Variants in CDH4 observed in about 807,000 individuals in gnomAD.
CDH4 encodes the protein cadherin-4.
In CDH4, 33 loss-of-function variants were observed where a neutral mutation model predicts 86.0. That is an observed-to-expected ratio of 0.38 (90% CI 0.29 to 0.51). CDH4 has a LOEUF of 0.51. Ranked by LOEUF, CDH4 falls within the 20% of genes least tolerant of loss-of-function variation. CDH4 has a pLI of 0.86. For missense variants in CDH4, 1,114 were observed against 1,307.4 expected, an observed-to-expected ratio of 0.85 and a Z score of 2.28; for synonymous variants, 555 against 549.4, an observed-to-expected ratio of 1.01 and a Z score of -0.14.
In CDH4 at chr20:61,811,971, C is replaced by T. The variant is rs941853982; in HGVS notation, c.577-32697C>T. On this transcript the variant is annotated intron_variant, in intron 4 of 15. Coordinates refer to ENST00000614565, the MANE Select transcript of CDH4 (RefSeq NM_001794.5). The surrounding 1 kb of genome is among the most constrained non-coding windows in gnomAD (Gnocchi z 4.4). ...ATAGGCATGAGCCACTGCACCTAGC[C>T]GCCTGCTGTCCTTCAGACTCCCCGC... Among the ~76,000 whole-genome samples the T allele has an allele frequency of 6.6e-6, 1 of 152,244 alleles. No individual in the cohort carries two copies. Among genetic ancestry groups the T allele is most frequent in the African/African-American group, 2.4e-5 (1 of 41,522 alleles).
intron 2 of CDH4, among the ~76,000 whole-genome samples, chr20:61,322,278 G>A (rs898110863): frequency 5.3e-5 from 8 of 152,154 alleles, no homozygotes; most frequent in African/African-American, 1.9e-4. Flanking sequence ...CAGGAGAGGG[G>A]AGGCTGCTAA....
chr20:61,647,525 T>TCTCTCTCTCTCTCTCTCTCTCTCTCTCTC lies in CDH4; in HGVS notation c.170-96038_170-96037insCTCTCTCTCTCTCTCTCTCTCTCTCTCTC, dbSNP rs1444445171. ...AAACACATCAGTATGCACACACATA[T>TCTCTCTCTCTCTCTCTCTCTCTCTCTCTC]TCTCTCTCCCTCTCCCTCTCCCTCT... On this transcript the variant is annotated intron_variant, in intron 2 of 15. Coordinates refer to ENST00000614565, the MANE Select transcript of CDH4 (RefSeq NM_001794.5). 2.9e-4 allele frequency among the ~76,000 whole-genome samples: 20 copies of TCTCTCTCTCTCTCTCTCTCTCTCTCTCTC among 69,848 alleles called. 3 individuals are homozygous for TCTCTCTCTCTCTCTCTCTCTCTCTCTCTC. The highest frequency in any genetic ancestry group is 8.1e-4 in the South Asian group (2 of 2,456). 45.8% of individuals were successfully genotyped at this position (69,848 alleles called of 152,430 possible).
rs925410608 is a variant in CDH4 at position 61,414,285 on chromosome 20, G to A, written c.169+159348G>A. ...ATCTCACTGGAGTGGGCAGGGCATG[G>A]CCCATGCCTGGCTCAGCCCTGATGC... On this transcript the variant is annotated intron_variant, in intron 2 of 15. Transcript: ENST00000614565. Among the ~76,000 whole-genome samples the A allele has an allele frequency of 2.6e-5, 4 of 152,380 alleles. No individual in the cohort carries two copies. The East Asian group carries it at 7.7e-4, about 29-fold the overall frequency.
intron 1 of CDH4, among the ~76,000 whole-genome samples, chr20:61,254,116 G>A (rs2084083640): frequency 6.6e-6 from 1 of 152,192 alleles, no homozygotes; most frequent in African/African-American, 2.4e-5. Context: ...AGCGAGCTCC[G>A]GAGGACAGGA....
chr20:61,474,426 C>A (rs926256919), intron 2 of CDH4, among the ~76,000 whole-genome samples: 1 of 151,110 alleles, frequency 6.6e-6, no homozygotes. Context: ...CCGCTCACCT[C>A]GGCCTCCCAA....
rs1600868906 is a variant in CDH4, at chr20:61,681,580, AG to A, written c.170-61978del. ...TCTTGTTCCAAGGGGTAGGAGAAAA[AG>A]GGGGCATCATCTAGCAGCTGGGAGG... On this transcript the variant is annotated intron_variant, in intron 2 of 15. Coordinates refer to ENST00000614565, the MANE Select transcript of CDH4 (RefSeq NM_001794.5). This position sits in a 1 kb window ranked among gnomAD's most constrained non-coding sequence, Gnocchi z 4.5. Among the ~76,000 whole-genome samples the A allele has an allele frequency of 6.6e-6, 1 of 152,178 alleles. No homozygotes were observed. The highest frequency in any genetic ancestry group is 1.9e-4 in the East Asian group (1 of 5,196).
intron 2 of CDH4, among the ~76,000 whole-genome samples, chr20:61,321,354 A>G (rs2084507233): frequency 6.6e-6 from 1 of 151,990 alleles, no homozygotes; most frequent in Non-Finnish European, 1.5e-5. Flanking sequence ...AGGCGGGGTT[A>G]CTCTTAACAA....
At position 61,828,261 on chromosome 20, in the gene CDH4, C is replaced by T. The variant is rs188729732; in HGVS notation, c.577-16407C>T. The stretch of plus-strand genomic sequence containing the variant: ...AGAAAAAGAGAGAAAACAGACATTA[C>T]CCGCATCTAACGAAAGCACCCACCA... On this transcript the variant is annotated intron_variant, in intron 4 of 15. Transcript: ENST00000614565. Among the ~76,000 whole-genome samples, 15 of 152,248 alleles carry T rather than the reference C, an allele frequency of 9.9e-5. No individual in the cohort carries two copies. In the East Asian group the frequency reaches 2.5e-3, roughly 25 times the overall value.
intron 2 of CDH4, among the ~76,000 whole-genome samples, chr20:61,680,625 G>A (rs2087501393): frequency 6.6e-6 from 1 of 152,168 alleles, no homozygotes; most frequent in South Asian, 2.1e-4. Context: ...AGGGCGCCCT[G>A]GTGTCCTTTC....
chr20:61,403,583 T>A (rs943138675), intron 2 of CDH4, among the ~76,000 whole-genome samples: 1 of 152,126 alleles, frequency 6.6e-6, no homozygotes, highest in Non-Finnish European at 1.5e-5. Context: ...CAGGCTGGAT[T>A]AAGAGACTAG....
At chr20:61,345,826 C>T (rs1268592968) in intron 2 of CDH4, among the ~76,000 whole-genome samples, 1 of 152,214 alleles carries the variant, frequency 6.6e-6, no homozygotes, top group Non-Finnish European at 1.5e-5. Flanking sequence ...ACCCCTGCCA[C>T]TGGCAGGAAA....
chr20:61,564,854 C>T (rs1464243168), intron 2 of CDH4, among the ~76,000 whole-genome samples: 1 of 152,130 alleles, frequency 6.6e-6, no homozygotes, highest in Non-Finnish European at 1.5e-5. Flanking sequence ...CAGGCGAGGT[C>T]CCCGGGGGAG....
chr20:61,473,357 G>A (rs1265689092), intron 2 of CDH4, among the ~76,000 whole-genome samples: 2 of 152,130 alleles, frequency 1.3e-5, no homozygotes, highest in Non-Finnish European at 2.9e-5. Context: ...ATCCTTAACA[G>A]CAGGCTCTGG....
At chr20:61,266,215 G>T (rs781410456) in intron 2 of CDH4, among the ~76,000 whole-genome samples, 30 of 152,080 alleles carry the variant, frequency 2.0e-4, no homozygotes, top group Non-Finnish European at 2.9e-4. Context: ...CGCAGGTGTT[G>T]AGAGGTGTGC....
intron 13 of CDH4, among the ~76,000 whole-genome samples, chr20:61,930,895 G>A (rs1237331221): frequency 6.6e-6 from 1 of 152,236 alleles, no homozygotes. Flanking sequence ...GCCCCAGCCA[G>A]AGCACCCTCT....
At chr20:61,285,344 G>A (rs2084287689) in intron 2 of CDH4, among the ~76,000 whole-genome samples, 1 of 152,214 alleles carries the variant, frequency 6.6e-6, no homozygotes, top group South Asian at 2.1e-4. Context: ...GCATAGAGCA[G>A]GGGCAGGCAT....
At chr20:61,834,892 C>T (rs1981794206) in intron 4 of CDH4, among the ~76,000 whole-genome samples, 1 of 152,342 alleles carries the variant, frequency 6.6e-6, no homozygotes, top group East Asian at 1.9e-4. Context: ...GTTCAAGGAG[C>T]TCCTTGGACG....
chr20:61,290,649 C>T lies in CDH4; in HGVS notation c.169+35712C>T, dbSNP rs1372558364. ...GGGGATGTGGGGTGAAGAGTTGAAACGAGTGCCTTCTCCAGAAGATGGCAC... is the reference window on the plus strand; with the variant it reads ...GGGGATGTGGGGTGAAGAGTTGAAATGAGTGCCTTCTCCAGAAGATGGCAC... On this transcript the variant is annotated intron_variant, in intron 2 of 15. Transcript: ENST00000614565. Among the ~76,000 whole-genome samples, 5 of 152,186 alleles carry T rather than the reference C, an allele frequency of 3.3e-5. No homozygotes were observed. In the South Asian group the frequency reaches 6.2e-4, roughly 19 times the overall value.
intron 4 of CDH4, among the ~76,000 whole-genome samples, chr20:61,816,854 C>T (rs1285081911): frequency 6.6e-6 from 1 of 152,170 alleles, no homozygotes; most frequent in Non-Finnish European, 1.5e-5. Flanking sequence ...CATCCCCATC[C>T]CCCTGCCCGG....
Sources: allele counts gnomAD v4.1 joint callset (sites outside exome capture counted in the v4.1 genomes callset), GRCh38; gene constraint gnomAD v4.1.1; non-coding constraint Gnocchi (gnomAD v3.1); transcripts MANE v1.5; gene names NCBI Gene and HGNC (gene_info 2026-07-23, HGNC 2026-07-21).